The following FMNL2 variants were observed in gnomAD, a reference collection of about 807,000 sequenced individuals.
FMNL2 encodes formin-like protein 2.
Under a neutral mutation model 130.2 loss-of-function variants are expected in FMNL2, and 51 were observed. The ratio of observed to expected loss-of-function variants is 0.39; its 90% CI spans 0.31 to 0.49. The LOEUF is 0.49. Ranked by LOEUF, FMNL2 falls within the 20% of genes least tolerant of loss-of-function variation. The pLI, the probability that FMNL2 is intolerant of heterozygous loss-of-function variation, is 0.85. For synonymous variants in FMNL2, 465 were observed against 467.1 expected, an observed-to-expected ratio of 1.00 and a Z score of 0.06; for missense variants, 977 against 1,316.2, an observed-to-expected ratio of 0.74 and a Z score of 3.99.
chr2:152,645,641 C>A, intron 25 of FMNL2: 1 of 522,050 alleles, frequency 1.9e-6, no homozygotes, highest in Non-Finnish European at 3.1e-6. Context: ...TTTTGTACCT[C>A]ACATTCCAAT....
intron 13 of FMNL2, among the ~76,000 whole-genome samples, 186 bp from the exon 14 acceptor site, chr2:152,618,660 A>C (rs1699076302): frequency 6.6e-6 from 1 of 152,330 alleles, no homozygotes; most frequent in East Asian, 1.9e-4. Flanking sequence ...AATAGCTAGA[A>C]TATATTACAT....
At position 152,611,518 on chromosome 2, in the gene FMNL2, T is replaced by C; in HGVS notation, c.975T>C (p.Asn325=). 2 of 1,594,002 alleles carry C rather than the reference T, an allele frequency of 1.3e-6. No homozygotes were observed. The highest frequency in any genetic ancestry group is 2.3e-5 in the East Asian group (1 of 44,436). ...DFMVASMQFI[N]IVVHSVEDMN... is the part of the protein sequence containing the mutation. The stretch of plus-strand genomic sequence containing the variant: ...AGGTGGCTTCTATGCAGTTTATTAA[T>C]ATTGTAGTCCATTCAGTAGAAGATA... Residue 325 remains asparagine (N), a synonymous_variant, in exon 11 of 26, where the codon AAT becomes AAC. Transcript: ENST00000288670.
rs70974858 is a variant in FMNL2, at chr2:152,401,898, C to CTTTT, written c.117+66200_117+66203dup. Among the ~76,000 whole-genome samples the CTTTT allele has an allele frequency of 9.1e-3, 717 of 78,596 alleles. 14 individuals are homozygous for CTTTT. The highest frequency in any genetic ancestry group is 0.012 in the African/African-American group (223 of 18,740). 51.6% of individuals were successfully genotyped at this position (78,596 alleles called of 152,430 possible). A position where few individuals can be genotyped will look rare whatever the true frequency, so the allele number is the denominator to read the frequency against. ...GGTAGTTTCAGATGTTGTGTTTAAT[C>CTTTT]TTTTTTTTTTTTTTTTTTTTTTTTT... is the stretch of plus-strand genomic sequence containing the variant. On this transcript the variant is annotated intron_variant, in intron 1 of 25. Transcript: ENST00000288670.
intron 1 of FMNL2, among the ~76,000 whole-genome samples, chr2:152,359,919 A>G (rs1683063263): frequency 6.6e-6 from 1 of 152,122 alleles, no homozygotes; most frequent in Non-Finnish European, 1.5e-5. Flanking sequence ...TTGGCTGGCC[A>G]CTCTGACGTC....
chr2:152,420,747 G>A (rs182746336), intron 1 of FMNL2, among the ~76,000 whole-genome samples: 39 of 152,308 alleles, frequency 2.6e-4, no homozygotes, highest in African/African-American at 8.9e-4. Context: ...ATGGACCTGA[G>A]GGACTTTATC....
At position 152,601,670 on chromosome 2, in the gene FMNL2, TC is replaced by T. The variant is rs201019540; in HGVS notation, c.877-5668del. ...AGGCTCTCTTTTCTTTTCTTTTCTTTCTTTTTTTTTTTTTTTTGAGACAGAG... is the reference window on the plus strand; with the variant it reads ...AGGCTCTCTTTTCTTTTCTTTTCTTTTTTTTTTTTTTTTTTTGAGACAGAG... On this transcript the variant is annotated intron_variant, in intron 9 of 25. Transcript: ENST00000288670. 7.7e-3 allele frequency among the ~76,000 whole-genome samples: 1,030 copies of T among 133,812 alleles called. 51 individuals carry two copies. The highest frequency in any genetic ancestry group is 0.029 in the African/African-American group (926 of 32,322). The allele number at this position is 133,812 out of a possible 152,430, so 87.8% of individuals were successfully genotyped here.
chr2:152,387,209 C>G (rs950643003), intron 1 of FMNL2, among the ~76,000 whole-genome samples: 7 of 152,156 alleles, frequency 4.6e-5, no homozygotes, highest in African/African-American at 1.7e-4. Context: ...TGTTGCCAAG[C>G]TCCCAGTAAA....
At chr2:152,385,727 T>G (rs1392479950) in intron 1 of FMNL2, among the ~76,000 whole-genome samples, 1 of 152,216 alleles carries the variant, frequency 6.6e-6, no homozygotes, top group African/African-American at 2.4e-5. Flanking sequence ...CTTTCTACTA[T>G]TAATTGGGGT....
chr2:152,398,781 C>T (rs1475529324), intron 1 of FMNL2, among the ~76,000 whole-genome samples: 3 of 152,128 alleles, frequency 2.0e-5, no homozygotes, highest in Non-Finnish European at 4.4e-5. Context: ...TGGTACAGTT[C>T]GCTGAGGCAT....
intron 1 of FMNL2, among the ~76,000 whole-genome samples, chr2:152,341,076 A>G (rs1681773766): frequency 6.6e-6 from 1 of 152,196 alleles, no homozygotes; most frequent in Non-Finnish European, 1.5e-5. Context: ...CACTTGCCAT[A>G]AAGTCTGTTA....
chr2:152,430,383 G>A (rs375171061), intron 1 of FMNL2, among the ~76,000 whole-genome samples: 8 of 152,064 alleles, frequency 5.3e-5, no homozygotes, highest in Admixed American at 4.6e-4. Context: ...TCTGTTATAG[G>A]CAAAATGAAC....
At chr2:152,578,449 G>A (rs1696594254) in intron 7 of FMNL2, among the ~76,000 whole-genome samples, 1 of 152,190 alleles carries the variant, frequency 6.6e-6, no homozygotes, top group South Asian at 2.1e-4. Flanking sequence ...GTTTTGTTTA[G>A]TCTTCCAGGG....
chr2:152,579,424 G>T (rs1421098688), intron 8 of FMNL2, among the ~76,000 whole-genome samples: 1 of 152,188 alleles, frequency 6.6e-6, no homozygotes, highest in South Asian at 2.1e-4. Context: ...GTGGCCAGCC[G>T]CAGTGGCTCA....
intron 2 of FMNL2, among the ~76,000 whole-genome samples, chr2:152,530,697 C>G (rs1030743252): frequency 6.6e-6 from 1 of 152,162 alleles, no homozygotes; most frequent in African/African-American, 2.4e-5. Context: ...AGCCCAGATA[C>G]ATACTGTTTC....
intron 9 of FMNL2, among the ~76,000 whole-genome samples, chr2:152,601,060 A>T (rs2105816791): frequency 6.6e-6 from 1 of 152,224 alleles, no homozygotes; most frequent in Non-Finnish European, 1.5e-5. Context: ...CAAATTTTTT[A>T]TTTGCAATGA....
At chr2:152,367,961 T>G (rs904523583) in intron 1 of FMNL2, among the ~76,000 whole-genome samples, 3 of 152,112 alleles carry the variant, frequency 2.0e-5, no homozygotes, top group East Asian at 3.9e-4. Context: ...GAAATGAAGA[T>G]TCTTGGTTCG....
rs150735587 is a variant in FMNL2 at position 152,576,491 on chromosome 2, TC to T, written c.705+1248del. On this transcript the variant is annotated intron_variant, in intron 7 of 25. Transcript: ENST00000288670. Reference sequence around the variant, plus strand: ...AAGTCATGTAAATAGCCCTGTGAGATCAATAATATTACTCTCCCCATTTTAC... The same window carrying T: ...AAGTCATGTAAATAGCCCTGTGAGATAATAATATTACTCTCCCCATTTTAC... Among the ~76,000 whole-genome samples the T allele has an allele frequency of 4.7e-3, 709 of 152,288 alleles. 1 individual carries two copies. Among genetic ancestry groups the T allele is most frequent in the African/African-American group, 0.016 (676 of 41,558 alleles).
chr2:152,551,868 T>G (rs1694955657), intron 4 of FMNL2, among the ~76,000 whole-genome samples: 1 of 152,036 alleles, frequency 6.6e-6, no homozygotes, highest in Non-Finnish European at 1.5e-5. Context: ...AATAAAATAT[T>G]AGCCAGTCAC....
At chr2:152,541,428 T>C (rs6739557) in intron 2 of FMNL2, among the ~76,000 whole-genome samples, 13,116 of 152,260 alleles carry the variant, frequency 0.086, 839 homozygotes, top group Admixed American at 0.22. Context: ...TAAACTTTTT[T>C]TTGTGAGAAA....
Sources: gnomAD v4.1 joint callset for allele counts (sites outside exome capture counted in the v4.1 genomes callset) on GRCh38, gnomAD v4.1.1 for gene constraint, MANE v1.5 for transcripts, NCBI Gene and HGNC (gene_info 2026-07-23, HGNC 2026-07-21) for gene names.